Variants in EYS observed in about 807,000 individuals in gnomAD.
The protein encoded by EYS is EGF-like photoreceptor maintenance factor.
Under a neutral mutation model 282.1 loss-of-function variants are expected in EYS, and 250 were observed. The observed-to-expected ratio is 0.89, with a 90% CI of 0.80 to 0.98. The LOEUF is 0.98. Among genes scored for constraint, EYS ranks in the 50% least tolerant of loss-of-function variants. EYS has a pLI of 0.00. For missense variants in EYS, 4,016 were observed against 3,709.0 expected (o/e 1.08, Z -2.15); for synonymous variants, 1,355 against 1,282.9 (o/e 1.06, Z -1.20).
chr6:65,351,023 A>C (rs551162708), intron 9 of EYS, among the ~76,000 whole-genome samples: 93 of 151,906 alleles, frequency 6.1e-4, no homozygotes, highest in Non-Finnish European at 1.1e-3. Context: ...AGAAGATCTT[A>C]ATGGCAATTA....
At chr6:64,599,211 C>G (rs1022877364) in intron 24 of EYS, among the ~76,000 whole-genome samples, 1 of 152,056 alleles carries the variant, frequency 6.6e-6, no homozygotes, top group Non-Finnish European at 1.5e-5. Context: ...AAAAAGCTTA[C>G]TGTAGATAAT....
chr6:65,611,760 A>T (rs553884319), intron 2 of EYS, among the ~76,000 whole-genome samples: 1 of 152,182 alleles, frequency 6.6e-6, no homozygotes, highest in East Asian at 1.9e-4. Context: ...GCTTTAAAAA[A>T]TACTAATAAA....
At chr6:64,608,852 G>T (rs1426747249) in intron 24 of EYS, among the ~76,000 whole-genome samples, 1 of 152,120 alleles carries the variant, frequency 6.6e-6, no homozygotes, top group Admixed American at 6.5e-5. Context: ...CCTTACAAAT[G>T]CAAAACTATG....
intron 35 of EYS, among the ~76,000 whole-genome samples, chr6:63,915,981 T>C (rs552660701): frequency 1.3e-5 from 2 of 152,344 alleles, no homozygotes; most frequent in South Asian, 2.1e-4. Flanking sequence ...ATTCAGAGTA[T>C]ACAGAAATTT....
In EYS at chr6:64,912,477, C is replaced by G; in HGVS notation, c.2641+7G>C. On this transcript the variant is annotated splice_region_variant and intron_variant, in intron 16 of 42. Transcript: ENST00000503581. ...TTAAAAACAATAAAATCCATATTAGCTCTTACCTTCTCTACAAATACAATG... is the reference window on the plus strand; with the variant it reads ...TTAAAAACAATAAAATCCATATTAGGTCTTACCTTCTCTACAAATACAATG... 1 of 1,549,828 alleles carries G rather than the reference C, an allele frequency of 6.5e-7. No homozygotes were observed. The highest frequency in any genetic ancestry group is 1.4e-5 in the African/African-American group (1 of 73,120).
In EYS at chr6:63,753,128, ATG is replaced by A. The variant is rs1168159191; in HGVS notation, c.8071+9331_8071+9332del. Among the ~76,000 whole-genome samples, 131 of 96,180 alleles carry A rather than the reference ATG, an allele frequency of 1.4e-3. 3 individuals are homozygous for A. In the East Asian group the frequency reaches 0.031, roughly 23 times the overall value. 63.1% of individuals were successfully genotyped at this position (96,180 alleles called of 152,430 possible). On this transcript the variant is annotated intron_variant, in intron 41 of 42. Coordinates refer to ENST00000503581, the MANE Select transcript of EYS (RefSeq NM_001142800.2). Reference sequence around the variant, plus strand: ...TGGCTACTAAAAAATATGTGTGTGTATGTGTGTGTGTGTATATATATATATAT... The same window carrying A: ...TGGCTACTAAAAAATATGTGTGTGTATGTGTGTGTGTATATATATATATAT...
At chr6:65,467,262 A>T (rs541363407) in intron 5 of EYS, among the ~76,000 whole-genome samples, 9 of 152,274 alleles carry the variant, frequency 5.9e-5, no homozygotes, top group Non-Finnish European at 1.2e-4. Context: ...AAATTTAAAA[A>T]TTGGAAGATA....
intron 16 of EYS, among the ~76,000 whole-genome samples, chr6:64,909,920 T>C (rs747420855): frequency 1.3e-5 from 2 of 152,166 alleles, no homozygotes; most frequent in Non-Finnish European, 1.5e-5. Flanking sequence ...ATTTCTAATA[T>C]AGTTTTCTAA....
At chr6:65,423,062 C>T (rs934831504) in intron 5 of EYS, among the ~76,000 whole-genome samples, 3 of 151,700 alleles carry the variant, frequency 2.0e-5, no homozygotes, top group Non-Finnish European at 2.9e-5. Context: ...CACAAACATC[C>T]TATAAATAGA....
chr6:65,221,576 G>GT (rs1182638078), intron 12 of EYS, among the ~76,000 whole-genome samples: 1 of 152,232 alleles, frequency 6.6e-6, no homozygotes, highest in African/African-American at 2.4e-5. Flanking sequence ...CTGGGCAGAA[G>GT]TTTGCTGCAG....
At chr6:65,548,315 A>C (rs2127328987) in intron 2 of EYS, among the ~76,000 whole-genome samples, 1 of 152,292 alleles carries the variant, frequency 6.6e-6, no homozygotes, top group Non-Finnish European at 1.5e-5. Context: ...AAATTCCATA[A>C]ACCTGTATTC....
intron 1 of EYS, among the ~76,000 whole-genome samples, chr6:65,705,543 T>C (rs1371931869): frequency 6.6e-6 from 1 of 152,170 alleles, no homozygotes; most frequent in African/African-American, 2.4e-5. Flanking sequence ...GGCTTGGTAT[T>C]AGGTTTTAGT....
At chr6:65,124,818 T>C (rs905621345) in intron 12 of EYS, among the ~76,000 whole-genome samples, 1 of 152,228 alleles carries the variant, frequency 6.6e-6, no homozygotes, top group Admixed American at 6.5e-5. Flanking sequence ...ACACAGATGC[T>C]GTCCCCCATT....
chr6:64,095,059 C>T (rs560607731), intron 31 of EYS, among the ~76,000 whole-genome samples: 76 of 152,066 alleles, frequency 5.0e-4, no homozygotes, highest in African/African-American at 1.6e-3. Flanking sequence ...TGTGGTTGAG[C>T]GGTTTTGAGT....
intron 39 of EYS, among the ~76,000 whole-genome samples, chr6:63,780,420 A>AT (rs1288841825): frequency 6.6e-6 from 1 of 152,008 alleles, no homozygotes; most frequent in Non-Finnish European, 1.5e-5. Flanking sequence ...TTGTTTCCTG[A>AT]TTTTTTAATG....
chr6:64,338,192 C>T (rs979834400), intron 29 of EYS, among the ~76,000 whole-genome samples: 2 of 151,940 alleles, frequency 1.3e-5, no homozygotes, highest in Non-Finnish European at 2.9e-5. Context: ...GTCAAACTGT[C>T]ACTGTTTGCT....
intron 12 of EYS, among the ~76,000 whole-genome samples, chr6:65,071,838 G>C (rs1329547636): frequency 6.6e-6 from 1 of 151,800 alleles, no homozygotes; most frequent in Non-Finnish European, 1.5e-5. Context: ...GTTCGGAAGT[G>C]TAACATTTTG....
At chr6:65,485,946 C>T (rs1166322017) in intron 5 of EYS, among the ~76,000 whole-genome samples, 2 of 152,166 alleles carry the variant, frequency 1.3e-5, no homozygotes, top group African/African-American at 2.4e-5. Flanking sequence ...AAAGGCAGGA[C>T]ATCTGACAAT....
chr6:64,193,034 A>G (rs1282216273), intron 31 of EYS, among the ~76,000 whole-genome samples: 1 of 152,246 alleles, frequency 6.6e-6, no homozygotes, highest in Non-Finnish European at 1.5e-5. Flanking sequence ...CAGATTTAAA[A>G]TAATTAATTT....
Sources: gnomAD v4.1 joint callset for allele counts (sites outside exome capture counted in the v4.1 genomes callset) on GRCh38, gnomAD v4.1.1 for gene constraint, MANE v1.5 for transcripts, NCBI Gene and HGNC (gene_info 2026-07-23, HGNC 2026-07-21) for gene names.